PJA2: variants seen among roughly 807,000 people sequenced by gnomAD.
PJA2 encodes praja ring finger ubiquitin ligase 2.
In PJA2, 25 loss-of-function variants were observed where a neutral mutation model predicts 69.3. The ratio of observed to expected loss-of-function variants is 0.36; its 90% CI spans 0.26 to 0.50. The LOEUF (loss-of-function observed/expected upper bound fraction) is 0.50. PJA2 is among the 20% of genes least tolerant of loss of function. The pLI is 0.96. For missense variants in PJA2, 809 were observed against 830.2 expected, an observed-to-expected ratio of 0.97 and a Z score of 0.31; for synonymous variants, 308 against 277.8, an observed-to-expected ratio of 1.11 and a Z score of -1.08.
At chr5:109,376,381 C>T (rs961221426) in intron 4 of PJA2, among the ~76,000 whole-genome samples, 8 of 151,650 alleles carry the variant, frequency 5.3e-5, no homozygotes, top group African/African-American at 1.7e-4. Context: ...AGTCCAGGGT[C>T]CTTCAAGGCA....
At chr5:109,364,833 A>G (rs992157450) in intron 5 of PJA2, among the ~76,000 whole-genome samples, 7 of 151,640 alleles carry the variant, frequency 4.6e-5, no homozygotes, top group African/African-American at 9.7e-5. Flanking sequence ...GGCAAAGGAT[A>G]TAATAATTAG....
intron 6 of PJA2, among the ~76,000 whole-genome samples, chr5:109,359,962 G>GA (rs1010582996): frequency 6.6e-6 from 1 of 151,930 alleles, no homozygotes; most frequent in Admixed American, 6.6e-5. Context: ...AAGTGGGTCA[G>GA]AAAAAAACCT....
intron 2 of PJA2, among the ~76,000 whole-genome samples, chr5:109,381,967 T>G (rs1408334879): frequency 6.6e-6 from 1 of 152,118 alleles, no homozygotes; most frequent in Non-Finnish European, 1.5e-5. Flanking sequence ...ATTTCAGATT[T>G]TTATAATGAA....
At chr5:109,372,112 C>T (rs146180188) in intron 4 of PJA2, among the ~76,000 whole-genome samples, 35 of 152,160 alleles carry the variant, frequency 2.3e-4, no homozygotes, top group Middle Eastern at 3.4e-3. Context: ...GATGTGCTAC[C>T]TATATTTTCT....
chr5:109,347,382 A>T (rs527707295), intron 7 of PJA2, among the ~76,000 whole-genome samples: 7 of 152,260 alleles, frequency 4.6e-5, no homozygotes, highest in Non-Finnish European at 8.8e-5. Context: ...TTGCCCCTGC[A>T]GTGTGCCAGG....
intron 7 of PJA2, among the ~76,000 whole-genome samples, chr5:109,352,720 T>C (rs1460514284): frequency 6.6e-6 from 1 of 151,976 alleles, no homozygotes; most frequent in Non-Finnish European, 1.5e-5. Context: ...CTAGCATAAA[T>C]GTATGTGAAC....
chr5:109,382,568 C>A lies in PJA2; in HGVS notation c.31+835G>T, dbSNP rs138977559. Among the ~76,000 whole-genome samples the A allele has an allele frequency of 2.0e-5, 3 of 152,312 alleles. No individual in the cohort carries two copies. The East Asian group carries it at 5.8e-4, about 29-fold the overall frequency. On this transcript the variant is annotated intron_variant, in intron 2 of 9. Transcript: ENST00000361189. The stretch of plus-strand genomic sequence containing the variant: ...GTATAGTCAATAAATGCAACAGTTG[C>A]TGGGCATGGTGGCTCATGCCTGTAA...
At position 109,383,390 on chromosome 5, in the gene PJA2, T is replaced by C. The variant is rs200573947; in HGVS notation, c.31+13A>G. The stretch of plus-strand genomic sequence containing the variant: ...CAAGAAGTACTCAATGTAGAAGAAC[T>C]GACTTTCCTTACCTGCTGGCTCCTT... On this transcript the variant is annotated intron_variant, in intron 2 of 9. Coordinates refer to ENST00000361189, the MANE Select transcript of PJA2 (RefSeq NM_014819.5). The C allele has an allele frequency of 1.9e-6, 3 of 1,612,772 alleles. No individual in the cohort carries two copies. Among genetic ancestry groups the C allele is most frequent in the East Asian group, 2.2e-5 (1 of 44,826 alleles).
intron 6 of PJA2, among the ~76,000 whole-genome samples, chr5:109,361,413 G>A (rs919785881): frequency 6.6e-6 from 1 of 152,140 alleles, no homozygotes; most frequent in African/African-American, 2.4e-5. Flanking sequence ...CAATGGAGCT[G>A]TAAAAAATTA....
chr5:109,399,680 T>C (rs1366779074), intron 1 of PJA2, among the ~76,000 whole-genome samples: 3 of 152,284 alleles, frequency 2.0e-5, no homozygotes, highest in African/African-American at 7.2e-5. Context: ...ATCTCTACTG[T>C]TCTGCATATA....
intron 1 of PJA2, among the ~76,000 whole-genome samples, chr5:109,402,469 A>G (rs1164372321): frequency 2.6e-5 from 4 of 152,188 alleles, no homozygotes; most frequent in Admixed American, 2.6e-4. Context: ...TAAGGGGTTC[A>G]TTCACCAAAA....
chr5:109,402,514 A>G (rs6867814), intron 1 of PJA2, among the ~76,000 whole-genome samples: 2,852 of 152,280 alleles, frequency 0.019, 46 homozygotes, highest in South Asian at 0.054. Flanking sequence ...TGCACCTAAC[A>G]GGAGGTTCAA....
intron 1 of PJA2, among the ~76,000 whole-genome samples, chr5:109,396,448 A>G: frequency 8.2e-6 from 1 of 122,092 alleles, no homozygotes; most frequent in African/African-American, 3.2e-5. Context: ...TTTTTTTGAG[A>G]CAGAGTCTCA....
intron 9 of PJA2, among the ~76,000 whole-genome samples, chr5:109,343,517 G>C (rs1762122115): frequency 6.6e-6 from 1 of 152,072 alleles, no homozygotes; most frequent in South Asian, 2.1e-4. Flanking sequence ...AGTACTTTGA[G>C]TAGTGCCAAA....
At chr5:109,359,051 G>C (rs992499088) in intron 6 of PJA2, among the ~76,000 whole-genome samples, 1 of 152,092 alleles carries the variant, frequency 6.6e-6, no homozygotes, top group East Asian at 1.9e-4. Flanking sequence ...CCACCTCTGA[G>C]ATAGCAAGAC....
intron 1 of PJA2, among the ~76,000 whole-genome samples, chr5:109,396,714 G>A (rs1747421352): frequency 1.6e-5 from 2 of 123,924 alleles, no homozygotes; most frequent in Admixed American, 2.0e-4. Context: ...GATGAGCACC[G>A]CACCCGGCCT....
chr5:109,380,438 A>C (rs1212251634), intron 3 of PJA2, among the ~76,000 whole-genome samples: 1 of 152,168 alleles, frequency 6.6e-6, no homozygotes, highest in East Asian at 1.9e-4. Context: ...TAATTGAATA[A>C]GCCTTCCTTG....
rs766736449 is a variant in PJA2 at position 109,378,475 on chromosome 5, C to G, written c.1012G>C (p.Ala338Pro). Reference sequence around the variant, plus strand: ...CATCTTTGAACACTTCTTTGTTTCGCCTCATGCCTATTAAAACCTGTTTCT... The same window carrying G: ...CATCTTTGAACACTTCTTTGTTTCGGCTCATGCCTATTAAAACCTGTTTCT... ...DQETGFNRHE[A>P]KQRSVQRWRE... The change falls in exon 4 of 10, where the codon GCG becomes CCG. Residue 338 changes from alanine to proline, a missense_variant. Ala to Pro is a conservative substitution (Grantham distance 27). Transcript: ENST00000361189. 6.2e-7 allele frequency: 1 copy of G among 1,614,164 alleles called. No homozygotes were observed. Among genetic ancestry groups the G allele is most frequent in the South Asian group, 1.1e-5 (1 of 91,078 alleles).
intron 7 of PJA2, among the ~76,000 whole-genome samples, chr5:109,349,478 C>T (rs1239691888): frequency 6.6e-6 from 1 of 152,156 alleles, no homozygotes; most frequent in African/African-American, 2.4e-5. Flanking sequence ...GCAGCCAGTT[C>T]CTGTAATGCA....
Sources: allele counts gnomAD v4.1 joint callset (sites outside exome capture counted in the v4.1 genomes callset), GRCh38; gene constraint gnomAD v4.1.1; transcripts MANE v1.5; gene names NCBI Gene and HGNC (gene_info 2026-07-23, HGNC 2026-07-21).